SSH1: variants seen among roughly 807,000 people sequenced by gnomAD.
The protein encoded by SSH1 is slingshot protein phosphatase 1.
SSH1 carries 43 observed loss-of-function variants against 79.7 expected under a neutral mutation model. The observed-to-expected ratio is 0.54, with a 90% CI of 0.42 to 0.70. The LOEUF (loss-of-function observed/expected upper bound fraction) is 0.70. Ranked by LOEUF, SSH1 falls within the 30% of genes least tolerant of loss-of-function variation. SSH1 has a pLI of 0.00. For missense variants in SSH1, 1,206 were observed against 1,358.8 expected (o/e 0.89, Z 1.77); for synonymous variants, 599 against 538.3 (o/e 1.11, Z -1.56).
chr12:108,854,512 G>A (rs547639847), intron 1 of SSH1, among the ~76,000 whole-genome samples: 1 of 152,278 alleles, frequency 6.6e-6, no homozygotes, highest in East Asian at 1.9e-4. Context: ...AAAATTAAAA[G>A]AGAAAAGAGA....
At chr12:108,803,853 T>C (rs2037141548) in intron 10 of SSH1, among the ~76,000 whole-genome samples, 3 of 152,210 alleles carry the variant, frequency 2.0e-5, no homozygotes, top group African/African-American at 7.2e-5. Flanking sequence ...TATAGATTTG[T>C]ATACAGAAAT....
intron 3 of SSH1, among the ~76,000 whole-genome samples, chr12:108,820,627 A>C (rs1211288541): frequency 1.3e-5 from 2 of 152,240 alleles, no homozygotes; most frequent in East Asian, 3.8e-4. Context: ...CAAAAAAATC[A>C]GAGAATATAA....
intron 2 of SSH1, among the ~76,000 whole-genome samples, chr12:108,843,740 G>C (rs1329439686): frequency 6.6e-6 from 1 of 152,082 alleles, no homozygotes; most frequent in Non-Finnish European, 1.5e-5. Flanking sequence ...TCACCATGTT[G>C]CCCAGGATGG....
At chr12:108,825,052 CACT>C (rs1415078329) in intron 2 of SSH1, among the ~76,000 whole-genome samples, 5 of 151,970 alleles carry the variant, frequency 3.3e-5, no homozygotes, top group Admixed American at 6.6e-5. Flanking sequence ...TAATATAAAA[CACT>C]ACTATATAAT....
At chr12:108,814,700 C>T (rs2037801481) in intron 5 of SSH1, among the ~76,000 whole-genome samples, 1 of 152,216 alleles carries the variant, frequency 6.6e-6, no homozygotes, top group African/African-American at 2.4e-5. Context: ...TCGGTGCCCA[C>T]AGGTGGGCCG....
At chr12:108,814,386 C>T (rs1048709234) in intron 5 of SSH1, among the ~76,000 whole-genome samples, 3 of 151,318 alleles carry the variant, frequency 2.0e-5, no homozygotes, top group African/African-American at 7.3e-5. Context: ...AAAATAAAAT[C>T]CCAAGGAAGG....
At chr12:108,832,599 G>A (rs953548995) in intron 2 of SSH1, among the ~76,000 whole-genome samples, 4 of 152,198 alleles carry the variant, frequency 2.6e-5, no homozygotes, top group East Asian at 1.9e-4. Context: ...AAAGGAGATC[G>A]AAAATTCACC....
In SSH1 at chr12:108,857,536, C is replaced by T; in HGVS notation, c.-40G>A. ...GCGAGGGCGCCACAGACGTCTCGAG[C>T]TAGAGCCGCCACCGCCACCGCCGCC... On this transcript the variant is annotated 5_prime_UTR_variant, in exon 1 of 15. Coordinates refer to ENST00000326495, the MANE Select transcript of SSH1 (RefSeq NM_018984.4). The surrounding 1 kb of genome is among the most constrained non-coding windows in gnomAD (Gnocchi z 4.7). 1 of 1,048,764 alleles carries T rather than the reference C, an allele frequency of 9.5e-7. No individual in the cohort carries two copies. 65.0% of individuals were successfully genotyped at this position (1,048,764 alleles called of 1,614,324 possible).
In SSH1 at chr12:108,852,651, T is replaced by C; in HGVS notation, c.97A>G (p.Lys33Glu). 2 of 1,614,160 alleles carry C rather than the reference T, an allele frequency of 1.2e-6. No homozygotes were observed. Among genetic ancestry groups the C allele is most frequent in the South Asian group, 1.1e-5 (1 of 91,082 alleles). ...AAGTCTGCTTACCTGAGGTTTAATT[T>C]TCGATCTTCTTCGCTGCCAGCCTCC... The part of the protein sequence containing the change: ...ELEAGSEEDR[K>E]LNLSLSESFF... The change falls in exon 2 of 15, where the codon AAA becomes GAA. Residue 33 changes from lysine to glutamate, a missense_variant. Around this residue, in one of 5 missense-constraint regions of SSH1, gnomAD observed 100 missense variants for 82.3 expected, o/e 1.21. Coordinates refer to ENST00000326495, the MANE Select transcript of SSH1 (RefSeq NM_018984.4).
chr12:108,813,170 T>G (rs1268704971), intron 5 of SSH1, among the ~76,000 whole-genome samples: 1 of 152,046 alleles, frequency 6.6e-6, no homozygotes, highest in African/African-American at 2.4e-5. Context: ...TAAGGGAAGC[T>G]GAATCTTTTT....
intron 2 of SSH1, among the ~76,000 whole-genome samples, chr12:108,844,720 T>C (rs1032020750): frequency 2.6e-5 from 4 of 152,216 alleles, no homozygotes; most frequent in Admixed American, 2.6e-4. Flanking sequence ...AAGACAGTCA[T>C]TCCAGTGATA....
chr12:108,855,411 G>A (rs1266333860), intron 1 of SSH1, among the ~76,000 whole-genome samples: 2 of 152,090 alleles, frequency 1.3e-5, no homozygotes, highest in African/African-American at 2.4e-5. Flanking sequence ...AAAATGTTCT[G>A]GAATTAGATG....
At position 108,781,472 on chromosome 12, in the gene SSH1, T is replaced by G. The variant is rs1453997047; in HGVS notation, c.*6516A>C. 6.6e-6 allele frequency: 1 copy of G among 152,230 alleles called. No homozygotes were observed. The highest frequency in any genetic ancestry group is 1.5e-5 in the Non-Finnish European group (1 of 68,048). The allele number at this position is 152,230 out of a possible 1,614,324, so 9.4% of individuals were successfully genotyped here. On this transcript the variant is annotated 3_prime_UTR_variant, in exon 15 of 15. Transcript: ENST00000326495. ...TGAGCAATCTGGTCTGCTTGATGAT[T>G]ATAATTCTTTTGGTAAAGTAATAAA...
intron 12 of SSH1, among the ~76,000 whole-genome samples, chr12:108,800,237 G>C (rs1409975701): frequency 1.3e-5 from 2 of 152,190 alleles, no homozygotes; most frequent in Non-Finnish European, 2.9e-5. Context: ...CCAGAGACAG[G>C]TGAAACCGCT....
At chr12:108,827,623 C>G in intron 2 of SSH1, 1 of 1,161,988 alleles carries the variant, frequency 8.6e-7, no homozygotes, top group Non-Finnish European at 1.1e-6. Context: ...CTAATCACTG[C>G]ACTCCTACGG....
intron 2 of SSH1, chr12:108,827,589 T>C (rs1017222667): frequency 1.0e-5 from 13 of 1,249,038 alleles, no homozygotes; most frequent in Non-Finnish European, 1.2e-5. Context: ...AAGAGGGCCA[T>C]TCAGCAAAAC....
intron 2 of SSH1, among the ~76,000 whole-genome samples, chr12:108,842,062 G>A (rs1379216478): frequency 6.6e-6 from 1 of 152,046 alleles, no homozygotes; most frequent in Non-Finnish European, 1.5e-5. Context: ...CCAGGAGGTC[G>A]GGGCTGCAGT....
intron 8 of SSH1, among the ~76,000 whole-genome samples, chr12:108,806,658 G>C (rs2037292610): frequency 6.6e-6 from 1 of 152,218 alleles, no homozygotes; most frequent in African/African-American, 2.4e-5. Flanking sequence ...GACGCTCTTA[G>C]GGCAGGATGC....
chr12:108,810,430 G>A (rs957764136), intron 6 of SSH1, among the ~76,000 whole-genome samples: 2 of 152,120 alleles, frequency 1.3e-5, no homozygotes, highest in South Asian at 4.1e-4. Context: ...GCTGAGGCAG[G>A]AGAATCACTT....
Sources: allele counts gnomAD v4.1 joint callset (sites outside exome capture counted in the v4.1 genomes callset), GRCh38; gene constraint gnomAD v4.1.1; regional missense constraint gnomAD v4.1.1; non-coding constraint Gnocchi (gnomAD v3.1); transcripts MANE v1.5; gene names NCBI Gene and HGNC (gene_info 2026-07-23, HGNC 2026-07-21).